Variants in CPA6 observed in about 807,000 individuals in gnomAD.
The protein encoded by CPA6 is carboxypeptidase B.
CPA6 carries 58 observed loss-of-function variants against 63.3 expected under a neutral mutation model. The observed-to-expected ratio is 0.92, with a 90% CI of 0.74 to 1.14. CPA6 has a LOEUF of 1.14. CPA6 is among the 50% of genes most tolerant of loss of function. CPA6 has a pLI of 0.00. For synonymous variants in CPA6, 185 were observed against 179.0 expected, an observed-to-expected ratio of 1.03 and a Z score of -0.27; for missense variants, 565 against 526.6, an observed-to-expected ratio of 1.07 and a Z score of -0.71.
intron 6 of CPA6, 81 bp downstream of exon 6, chr8:67,506,706 T>C: frequency 1.1e-6 from 1 of 889,292 alleles, no homozygotes; most frequent in Non-Finnish European, 1.9e-6. Flanking sequence ...TGGTTTCAAA[T>C]TCCCACTTTG....
chr8:67,716,151 C>CAAAAAAAAAAAAAAAAAAAA (rs56275918), intron 1 of CPA6, among the ~76,000 whole-genome samples: 4 of 76,548 alleles, frequency 5.2e-5, no homozygotes, highest in African/African-American at 2.0e-4. Flanking sequence ...GAGCTTGTCT[C>CAAAAAAAAAAAAAAAAAAAA]AAAAAAAAAA....
At chr8:67,497,656 T>C (rs1019609773) in intron 6 of CPA6, among the ~76,000 whole-genome samples, 2 of 152,148 alleles carry the variant, frequency 1.3e-5, no homozygotes, top group African/African-American at 4.8e-5. Flanking sequence ...AGAACTGCCA[T>C]ACTGTTTTCA....
chr8:67,639,448 A>G (rs944771387), intron 1 of CPA6, among the ~76,000 whole-genome samples: 1 of 151,712 alleles, frequency 6.6e-6, no homozygotes, highest in East Asian at 1.9e-4. Flanking sequence ...AGCTAGGCAC[A>G]CAGACTGTGC....
chr8:67,673,112 A>G (rs1816384378), intron 1 of CPA6, among the ~76,000 whole-genome samples: 1 of 152,124 alleles, frequency 6.6e-6, no homozygotes, highest in Non-Finnish European at 1.5e-5. Flanking sequence ...AAAGGAGACA[A>G]AACCTCCTTG....
At chr8:67,474,329 C>A (rs1263556939) in intron 8 of CPA6, among the ~76,000 whole-genome samples, 3 of 152,164 alleles carry the variant, frequency 2.0e-5, no homozygotes, top group Admixed American at 2.0e-4. Context: ...TCAAGCGATT[C>A]TCCTGCCTTA....
chr8:67,692,552 T>G (rs1816834687), intron 1 of CPA6, among the ~76,000 whole-genome samples: 1 of 152,182 alleles, frequency 6.6e-6, no homozygotes, highest in Non-Finnish European at 1.5e-5. Flanking sequence ...CAATTAAGAT[T>G]TTTAACAGTG....
intron 2 of CPA6, among the ~76,000 whole-genome samples, chr8:67,540,578 C>G (rs779351818): frequency 6.6e-6 from 1 of 152,202 alleles, no homozygotes; most frequent in Admixed American, 6.5e-5. Flanking sequence ...CAGGCAGGAA[C>G]GTTTAAGTCT....
At chr8:67,498,301 T>A (rs996288549) in intron 6 of CPA6, among the ~76,000 whole-genome samples, 17 of 152,112 alleles carry the variant, frequency 1.1e-4, no homozygotes, top group South Asian at 4.2e-4. Flanking sequence ...TTTGAGAGGC[T>A]GAGGCGGGTG....
At position 67,511,670 on chromosome 8, in the gene CPA6, A is replaced by G. The variant is rs751562943; in HGVS notation, c.318-15T>C. On this transcript the variant is annotated splice_polypyrimidine_tract_variant and intron_variant, in intron 3 of 10. Transcript: ENST00000297770. ...CTATGAGGACCCTGAATTTGGAATG[A>G]CAGACATGATGAAAAGTAAATTGAG... The G allele has an allele frequency of 3.4e-6, 5 of 1,449,706 alleles. No individual in the cohort carries two copies. The highest frequency in any genetic ancestry group is 2.9e-6 in the Non-Finnish European group (3 of 1,031,306). 89.8% of individuals were successfully genotyped at this position (1,449,706 alleles called of 1,614,324 possible).
chr8:67,546,683 A>G (rs1454356009), intron 2 of CPA6, among the ~76,000 whole-genome samples: 2 of 152,112 alleles, frequency 1.3e-5, no homozygotes, highest in East Asian at 3.9e-4. Context: ...CTAGGAATTT[A>G]CACTTATTTA....
chr8:67,636,427 A>G (rs1252203198), intron 1 of CPA6, among the ~76,000 whole-genome samples: 1 of 151,538 alleles, frequency 6.6e-6, no homozygotes, highest in Non-Finnish European at 1.5e-5. Flanking sequence ...ACCCTGTAAA[A>G]CAGTAAGTTT....
intron 8 of CPA6, among the ~76,000 whole-genome samples, chr8:67,454,689 A>G (rs1359062578): frequency 1.3e-5 from 2 of 152,236 alleles, no homozygotes; most frequent in Non-Finnish European, 2.9e-5. Context: ...TGCGGAATAT[A>G]TAACAGATCT....
At chr8:67,558,191 T>A (rs1267586433) in intron 2 of CPA6, among the ~76,000 whole-genome samples, 2 of 152,230 alleles carry the variant, frequency 1.3e-5, no homozygotes, top group African/African-American at 4.8e-5. Context: ...TGTTCTCTCT[T>A]GAGACCTTTG....
chr8:67,742,516 T>C (rs1438459372), intron 1 of CPA6, among the ~76,000 whole-genome samples: 3 of 152,180 alleles, frequency 2.0e-5, no homozygotes, highest in Non-Finnish European at 4.4e-5. Flanking sequence ...AGCCTATTTG[T>C]AAAATGAGGA....
intron 7 of CPA6, 36 bp from the exon 8 acceptor site, chr8:67,483,894 T>G (rs1362976194): frequency 2.6e-6 from 4 of 1,521,310 alleles, no homozygotes; most frequent in Non-Finnish European, 3.7e-6. Flanking sequence ...CTGAGAAAAA[T>G]ACTTAAAAGG....
chr8:67,542,465 G>T (rs1812727038), intron 2 of CPA6, among the ~76,000 whole-genome samples: 2 of 152,204 alleles, frequency 1.3e-5, no homozygotes, highest in South Asian at 4.1e-4. Flanking sequence ...TTTGTGGACA[G>T]GTACTCATGC....
intron 8 of CPA6, among the ~76,000 whole-genome samples, chr8:67,453,624 G>A (rs1810605240): frequency 6.6e-6 from 1 of 152,164 alleles, no homozygotes; most frequent in African/African-American, 2.4e-5. Context: ...GACAAAGGCT[G>A]AACCCTGGGC....
intron 2 of CPA6, among the ~76,000 whole-genome samples, chr8:67,533,552 T>C (rs1587530772): frequency 6.6e-6 from 1 of 152,236 alleles, no homozygotes; most frequent in Non-Finnish European, 1.5e-5. Flanking sequence ...CCAGTTGCTA[T>C]AGTATCCACA....
At chr8:67,434,666 C>T (rs939812844) in intron 8 of CPA6, among the ~76,000 whole-genome samples, 10 of 152,228 alleles carry the variant, frequency 6.6e-5, no homozygotes, top group South Asian at 2.1e-4. Context: ...TAGTGGCTCC[C>T]TCGCTTGGCA....
Sources: gnomAD v4.1 joint callset for allele counts (sites outside exome capture counted in the v4.1 genomes callset) on GRCh38, gnomAD v4.1.1 for gene constraint, MANE v1.5 for transcripts, NCBI Gene and HGNC (gene_info 2026-07-23, HGNC 2026-07-21) for gene names.